Variants in NRXN3 observed in about 807,000 individuals in gnomAD.
NRXN3 encodes the protein neurexin 3.
NRXN3 carries 32 observed loss-of-function variants against 137.6 expected under a neutral mutation model. The observed-to-expected ratio is 0.23, with a 90% confidence interval of 0.18 to 0.31. The LOEUF is 0.31. Ranked by LOEUF, NRXN3 falls within the 10% of genes least tolerant of loss-of-function variation. NRXN3 has a pLI of 1.00. For synonymous variants in NRXN3, 798 were observed against 784.5 expected (o/e 1.02, Z -0.29); for missense variants, 1,574 against 2,062.5 (o/e 0.76, Z 4.59).
At chr14:78,843,837 C>T (rs1390189773) in intron 10 of NRXN3, among the ~76,000 whole-genome samples, 1 of 151,966 alleles carries the variant, frequency 6.6e-6, no homozygotes, top group African/African-American at 2.4e-5. Flanking sequence ...ATGGCTGGCC[C>T]CAAGTCTGCA....
chr14:78,869,380 C>T (rs1487631938), intron 10 of NRXN3, among the ~76,000 whole-genome samples: 1 of 152,094 alleles, frequency 6.6e-6, no homozygotes, highest in Non-Finnish European at 1.5e-5. Context: ...AACCATCATC[C>T]AGATTATTTA....
intron 15 of NRXN3, among the ~76,000 whole-genome samples, chr14:79,245,756 G>A (rs141238586): frequency 4.3e-4 from 65 of 152,196 alleles, no homozygotes; most frequent in African/African-American, 1.3e-3. Context: ...CTGATTTTCC[G>A]TTGTTTATTT....
At chr14:78,974,225 GA>G (rs2099455328) in intron 14 of NRXN3, among the ~76,000 whole-genome samples, 1 of 152,116 alleles carries the variant, frequency 6.6e-6, no homozygotes, top group African/African-American at 2.4e-5. Flanking sequence ...GTAAATGGAA[GA>G]GAGAGAGAAG....
rs551947273 is a variant in NRXN3, at chr14:79,643,861, T to G, written c.3445-19917T>G. 2.4e-4 allele frequency among the ~76,000 whole-genome samples: 32 copies of G among 135,860 alleles called. 3 individuals are homozygous for G. In the South Asian group the frequency reaches 7.1e-3, roughly 30 times the overall value. 89.1% of individuals were successfully genotyped at this position (135,860 alleles called of 152,430 possible). A position where few individuals can be genotyped will look rare whatever the true frequency, so the allele number is the denominator to read the frequency against. ...AGAACAACAATTTCTACTGAAACCC[T>G]GTTGAATTTTGTCTCCATTATTGCC... On this transcript the variant is annotated intron_variant, in intron 16 of 20. Transcript: ENST00000335750.
intron 16 of NRXN3, among the ~76,000 whole-genome samples, chr14:79,639,553 C>T: frequency 6.6e-6 from 1 of 151,812 alleles, no homozygotes; most frequent in East Asian, 1.9e-4. Context: ...TTTTCACCAT[C>T]AATGAATTCA....
At chr14:78,560,091 G>A (rs1001058814) in intron 4 of NRXN3, among the ~76,000 whole-genome samples, 1 of 152,152 alleles carries the variant, frequency 6.6e-6, no homozygotes, top group Non-Finnish European at 1.5e-5. Context: ...GGCTATGAAA[G>A]GGTGGTAGGA....
chr14:78,644,090 G>A (rs534370911), intron 4 of NRXN3, among the ~76,000 whole-genome samples: 6 of 141,300 alleles, frequency 4.2e-5, no homozygotes, highest in African/African-American at 1.3e-4. Flanking sequence ...GCAGTGAGCC[G>A]AGATCACACC....
At chr14:79,785,110 C>T (rs998998898) in intron 19 of NRXN3, among the ~76,000 whole-genome samples, 3 of 152,142 alleles carry the variant, frequency 2.0e-5, no homozygotes, top group Admixed American at 6.5e-5. Flanking sequence ...TGGCCTCATT[C>T]GGCTGAGATT....
At chr14:79,267,528 T>C (rs1341329065) in intron 15 of NRXN3, among the ~76,000 whole-genome samples, 1 of 151,978 alleles carries the variant, frequency 6.6e-6, no homozygotes, top group Non-Finnish European at 1.5e-5. Context: ...CAGCTAAGTT[T>C]TGTATTTTTA....
At chr14:78,239,498 C>T (rs919279255) in intron 1 of NRXN3, among the ~76,000 whole-genome samples, 2 of 152,198 alleles carry the variant, frequency 1.3e-5, no homozygotes, top group African/African-American at 2.4e-5. Flanking sequence ...AATTGTGTCA[C>T]GTTTCATGTC....
rs1309739414 is a variant in NRXN3, at chr14:78,243,048, G to C, written c.-46G>C. ...CAAAGGGAGAGATCCTCTCCGGGCT[G>C]TTCCCTGGCCTGTCTGCTCCTCCGG... On this transcript the variant is annotated 5_prime_UTR_variant, in exon 2 of 21. Transcript: ENST00000335750. This position sits in a 1 kb window ranked among gnomAD's most constrained non-coding sequence, Gnocchi z 4.2. 3 of 1,387,320 alleles carry C rather than the reference G, an allele frequency of 2.2e-6. No individual in the cohort carries two copies. Among genetic ancestry groups the C allele is most frequent in the Non-Finnish European group, 2.9e-6 (3 of 1,044,086 alleles). The allele number at this position is 1,387,320 out of a possible 1,614,324, so 85.9% of individuals were successfully genotyped here.
At chr14:79,524,330 G>C (rs2097098190) in intron 16 of NRXN3, among the ~76,000 whole-genome samples, 1 of 152,124 alleles carries the variant, frequency 6.6e-6, no homozygotes, top group South Asian at 2.1e-4. Context: ...CCTCCAGCAA[G>C]CTCTGTTTTT....
At chr14:78,248,424 A>G (rs1274343305) in intron 2 of NRXN3, among the ~76,000 whole-genome samples, 3 of 150,610 alleles carry the variant, frequency 2.0e-5, no homozygotes, top group African/African-American at 7.3e-5. Context: ...GTGAATTTCA[A>G]TTTCTTTTTT....
chr14:78,494,127 C>T (rs757109301), intron 4 of NRXN3, among the ~76,000 whole-genome samples: 43 of 152,200 alleles, frequency 2.8e-4, no homozygotes, highest in Non-Finnish European at 3.8e-4. Context: ...CCATCCATAG[C>T]AGAGATGCTT....
chr14:78,628,942 C>T (rs75610686), intron 4 of NRXN3, among the ~76,000 whole-genome samples: 7 of 152,130 alleles, frequency 4.6e-5, no homozygotes, highest in African/African-American at 1.7e-4. Context: ...TTCTAAATTC[C>T]CTTGTCAATT....
chr14:78,910,064 G>A (rs375693933), intron 10 of NRXN3, among the ~76,000 whole-genome samples: 9 of 152,014 alleles, frequency 5.9e-5, no homozygotes, highest in African/African-American at 2.2e-4. Flanking sequence ...TCTTACTGTT[G>A]TCCATTCCTG....
intron 19 of NRXN3, among the ~76,000 whole-genome samples, chr14:79,762,229 G>T (rs867660077): frequency 6.6e-6 from 1 of 151,582 alleles, no homozygotes; most frequent in Non-Finnish European, 1.5e-5. Flanking sequence ...AATCAAGCAG[G>T]TTATGGCAGT....
At chr14:79,504,670 T>TATATATATATATAA (rs1297701522) in intron 16 of NRXN3, among the ~76,000 whole-genome samples, 30 of 143,100 alleles carry the variant, frequency 2.1e-4, no homozygotes, top group African/African-American at 7.4e-4. Flanking sequence ...TATATATATA[T>TATATATATATATAA]ATATAAAACA....
intron 4 of NRXN3, among the ~76,000 whole-genome samples, chr14:78,358,715 T>C (rs2084684463): frequency 6.6e-6 from 1 of 152,180 alleles, no homozygotes; most frequent in South Asian, 2.1e-4. Context: ...TCCTGTCTCT[T>C]GGGATAAATC....
Sources: allele counts gnomAD v4.1 joint callset (sites outside exome capture counted in the v4.1 genomes callset), GRCh38; gene constraint gnomAD v4.1.1; non-coding constraint Gnocchi (gnomAD v3.1); transcripts MANE v1.5; gene names NCBI Gene and HGNC (gene_info 2026-07-23, HGNC 2026-07-21).